DTWD2: variants seen among roughly 807,000 people sequenced by gnomAD.
DTWD2 encodes the protein DTW motif tRNA-uridine aminocarboxypropyltransferase 2, also known as tRNA-uridine aminocarboxypropyltransferase 2.
A neutral mutation model predicts 31.8 loss-of-function variants in DTWD2; 39 were observed. That is an observed-to-expected ratio of 1.22 (90% CI 0.95 to 1.60). DTWD2 has a LOEUF of 1.60. Ranked by LOEUF, DTWD2 falls within the 40% of genes most tolerant of loss-of-function variation. The pLI is 0.00. For missense variants in DTWD2, 515 were observed against 381.5 expected (o/e 1.35, Z -2.92); for synonymous variants, 180 against 142.8 (o/e 1.26, Z -1.86).
chr5:118,851,399 G>A (rs1046260154), intron 4 of DTWD2, among the ~76,000 whole-genome samples: 3 of 152,098 alleles, frequency 2.0e-5, no homozygotes, highest in East Asian at 3.9e-4. Flanking sequence ...CGGTAGGACC[G>A]TGATGCCCAC....
intron 3 of DTWD2, among the ~76,000 whole-genome samples, chr5:118,934,336 A>G (rs978962440): frequency 5.3e-5 from 8 of 150,470 alleles, no homozygotes; most frequent in African/African-American, 2.0e-4. Flanking sequence ...TTAGATTTAC[A>G]GAATTATTGC....
chr5:118,843,371 G>A (rs11241478), intron 5 of DTWD2, among the ~76,000 whole-genome samples: 15 of 143,724 alleles, frequency 1.0e-4, no homozygotes, highest in African/African-American at 2.7e-4. Flanking sequence ...GGGAGGAAGG[G>A]AGGAAGGAAG....
chr5:118,895,200 A>G (rs1019076831), intron 4 of DTWD2, among the ~76,000 whole-genome samples: 1 of 152,200 alleles, frequency 6.6e-6, no homozygotes, highest in Non-Finnish European at 1.5e-5. Flanking sequence ...AAAAATGATC[A>G]GCATTTCCAT....
chr5:118,957,312 C>A (rs1463461622), intron 1 of DTWD2, among the ~76,000 whole-genome samples: 1 of 151,884 alleles, frequency 6.6e-6, no homozygotes, highest in Non-Finnish European at 1.5e-5. Context: ...ACCTCCACAT[C>A]CCGGGTACAA....
At chr5:118,916,017 T>C (rs1035211683) in intron 4 of DTWD2, among the ~76,000 whole-genome samples, 4 of 152,024 alleles carry the variant, frequency 2.6e-5, no homozygotes, top group African/African-American at 7.2e-5. Flanking sequence ...CAATAAGGGA[T>C]TGGGGTTGAG....
chr5:118,957,941 T>C (rs1754623609), intron 1 of DTWD2, among the ~76,000 whole-genome samples: 2 of 152,292 alleles, frequency 1.3e-5, no homozygotes, highest in South Asian at 4.2e-4. Context: ...TTTGTGTATG[T>C]TTTATGAGGT....
chr5:118,929,148 T>C (rs1019085736), intron 3 of DTWD2, among the ~76,000 whole-genome samples: 3 of 152,168 alleles, frequency 2.0e-5, no homozygotes, highest in African/African-American at 7.2e-5. Flanking sequence ...CGAGTAGCAA[T>C]GGAAGAACCA....
At chr5:118,871,550 T>C (rs1752505114) in intron 4 of DTWD2, among the ~76,000 whole-genome samples, 1 of 152,228 alleles carries the variant, frequency 6.6e-6, no homozygotes, top group African/African-American at 2.4e-5. Context: ...GAAAATAACG[T>C]GAATCTCCTT....
intron 4 of DTWD2, among the ~76,000 whole-genome samples, chr5:118,871,072 G>A (rs987065629): frequency 2.0e-5 from 3 of 151,780 alleles, no homozygotes; most frequent in Non-Finnish European, 2.9e-5. Flanking sequence ...AATGTTCACA[G>A]CATCTTCACC....
intron 5 of DTWD2, among the ~76,000 whole-genome samples, chr5:118,845,697 T>G (rs1050802667): frequency 1.3e-5 from 2 of 152,182 alleles, no homozygotes; most frequent in Non-Finnish European, 2.9e-5. Context: ...TTTGGGACTT[T>G]ATGTTTAATT....
At chr5:118,973,612 CT>C (rs1370698270) in intron 1 of DTWD2, among the ~76,000 whole-genome samples, 1 of 23,464 alleles carries the variant, frequency 4.3e-5, no homozygotes, top group African/African-American at 9.6e-5. Context: ...CGTCCGCCTC[CT>C]TGCTCGCGGC....
At chr5:118,933,413 T>C (rs1753969348) in intron 3 of DTWD2, among the ~76,000 whole-genome samples, 2 of 152,104 alleles carry the variant, frequency 1.3e-5, no homozygotes, top group Non-Finnish European at 1.5e-5. Flanking sequence ...GCAAAAATTC[T>C]CAACAAAATA....
chr5:118,864,172 C>A (rs1752330018), intron 4 of DTWD2, among the ~76,000 whole-genome samples: 1 of 145,924 alleles, frequency 6.9e-6, no homozygotes, highest in Non-Finnish European at 1.5e-5. Flanking sequence ...AAATGTGGCA[C>A]ATATACACCA....
intron 4 of DTWD2, among the ~76,000 whole-genome samples, chr5:118,896,022 A>G (rs1753077705): frequency 1.3e-5 from 2 of 152,188 alleles, no homozygotes; most frequent in Admixed American, 6.5e-5. Flanking sequence ...TTAATACACA[A>G]AAATAAACAT....
chr5:118,923,314 T>C (rs1336747963), intron 4 of DTWD2, among the ~76,000 whole-genome samples: 1 of 152,190 alleles, frequency 6.6e-6, no homozygotes. Context: ...AGCGAGGCCA[T>C]TTCCTGATGA....
intron 4 of DTWD2, among the ~76,000 whole-genome samples, chr5:118,922,444 T>C (rs1753724177): frequency 6.6e-6 from 1 of 152,130 alleles, no homozygotes; most frequent in African/African-American, 2.4e-5. Flanking sequence ...TAATAACTAA[T>C]AATTCTATGC....
chr5:118,915,666 G>A (rs1753559617), intron 4 of DTWD2, among the ~76,000 whole-genome samples: 2 of 152,102 alleles, frequency 1.3e-5, no homozygotes, highest in South Asian at 2.1e-4. Context: ...GAGCCACTAC[G>A]CCCGGCCTAA....
intron 2 of DTWD2, among the ~76,000 whole-genome samples, chr5:118,944,008 A>G (rs1352752575): frequency 2.0e-5 from 3 of 152,232 alleles, no homozygotes; most frequent in Non-Finnish European, 2.9e-5. Flanking sequence ...CAGCTAATCA[A>G]GAGTTACAAA....
intron 1 of DTWD2, among the ~76,000 whole-genome samples, chr5:118,982,686 CTTTT>C (rs56102830): frequency 8.3e-6 from 1 of 121,120 alleles, no homozygotes; most frequent in Non-Finnish European, 1.7e-5. Context: ...AGTTTGTTTT[CTTTT>C]TTTTTTTTTT....
Sources: allele counts gnomAD v4.1 joint callset (sites outside exome capture counted in the v4.1 genomes callset), GRCh38; gene constraint gnomAD v4.1.1; transcripts MANE v1.5; gene names NCBI Gene and HGNC (gene_info 2026-07-23, HGNC 2026-07-21).